The following MOV10 variants were observed in gnomAD, a reference collection of about 807,000 sequenced individuals.
MOV10 encodes the protein Mov10 RNA helicase.
Under a neutral mutation model 108.4 loss-of-function variants are expected in MOV10, and 39 were observed. The ratio of observed to expected loss-of-function variants is 0.36; its 90% CI spans 0.28 to 0.47. The LOEUF is 0.47. Among genes scored for constraint, MOV10 ranks in the 20% least tolerant of loss-of-function variants. MOV10 has a pLI of 1.00. For synonymous variants in MOV10, 490 were observed against 523.1 expected, an observed-to-expected ratio of 0.94 and a Z score of 0.86; for missense variants, 952 against 1,297.6, an observed-to-expected ratio of 0.73 and a Z score of 4.09.
Position 112,698,334 on chromosome 1 carries a change from A to C in MOV10, c.2364A>C (p.Glu788Asp). 6.2e-7 allele frequency: 1 copy of C among 1,614,196 alleles called. No homozygotes were observed. Among genetic ancestry groups the C allele is most frequent in the Non-Finnish European group, 8.5e-7 (1 of 1,180,010 alleles). ...FHGVMGKDER[E>D]GNSPSFFNPE... ...GCGTAATGGGCAAAGATGAGCGTGA[A>C]GGCAACAGCCCATCCTTCTTCAACC... is the stretch of plus-strand genomic sequence containing the variant. The change falls in exon 16 of 21, where the codon GAA becomes GAC. Residue 788 changes from glutamate (E) to aspartate (D), a missense_variant. Glu to Asp is a conservative substitution (Grantham distance 45). Transcript: ENST00000369645.
At position 112,696,755 on chromosome 1, in the gene MOV10, C is replaced by G. The variant is rs1425746621; in HGVS notation, c.2107C>G (p.Leu703Val). Residue 703 changes from leucine to valine, a missense_variant, in exon 14 of 21, where the codon CTG becomes GTG. Leu to Val is a conservative substitution (Grantham distance 32). Transcript: ENST00000369645. ...TQKHGLGYSL[L>V]ERLLTYNSLY... ...GAAGCATGGACTGGGATACTCACTG[C>G]TGGAGCGGCTGCTCACCTACAACTC... The G allele has an allele frequency of 2.5e-6, 4 of 1,604,956 alleles. No homozygotes were observed. Among genetic ancestry groups the G allele is most frequent in the Non-Finnish European group, 3.4e-6 (4 of 1,175,564 alleles).
chr1:112,694,809 T>A lies in MOV10; in HGVS notation c.1533T>A (p.Val511=), dbSNP rs766198605. ...AGCTGCAGGCCATGAGGCACATTGT[T>A]ACGGGCACCACCCGTCCAGCCCCCT... ...PEQLQAMRHI[V]TGTTRPAPYI... The change falls in exon 10 of 21, where the codon GTT becomes GTA. Residue 511 remains valine (V), a synonymous_variant. Transcript: ENST00000369645. The surrounding 1 kb of genome is among the most constrained non-coding windows in gnomAD (Gnocchi z 4.1). The A allele has an allele frequency of 4.3e-6, 7 of 1,614,036 alleles. No individual in the cohort carries two copies. The highest frequency in any genetic ancestry group is 5.9e-6 in the Non-Finnish European group (7 of 1,180,042).
chr1:112,681,795 A>G (rs1672671968), intron 2 of MOV10, among the ~76,000 whole-genome samples: 1 of 152,048 alleles, frequency 6.6e-6, no homozygotes, highest in Non-Finnish European at 1.5e-5. Context: ...ACATCAGTAC[A>G]CTTCACTCCA....
At position 112,674,864 on chromosome 1, in the gene MOV10, C is replaced by T. The variant is rs895170289; in HGVS notation, c.-49C>T. 1.3e-6 allele frequency: 2 copies of T among 1,511,880 alleles called. No homozygotes were observed. The highest frequency in any genetic ancestry group is 1.8e-6 in the Non-Finnish European group (2 of 1,133,898). 93.7% of individuals were successfully genotyped at this position (1,511,880 alleles called of 1,614,324 possible). A position where few individuals can be genotyped will look rare whatever the true frequency, so the allele number is the denominator to read the frequency against. On this transcript the variant is annotated 5_prime_UTR_variant, in exon 2 of 21. The change creates a premature stop within an existing upstream ORF in the 5' untranslated region. Transcript: ENST00000369645. ...AACTTCCAGCTGCAGCGGCGACTTT[C>T]AGTTTCATTTCCACGGACCCTCCTG...
At chr1:112,682,626 C>G (rs1188619988) in intron 2 of MOV10, among the ~76,000 whole-genome samples, 1 of 152,200 alleles carries the variant, frequency 6.6e-6, no homozygotes, top group Non-Finnish European at 1.5e-5. Context: ...CGTGCCCTTT[C>G]CTAGTCAGTC....
intron 7 of MOV10, chr1:112,693,691 TA>T (rs1327939492): frequency 2.5e-5 from 4 of 159,158 alleles, no homozygotes; most frequent in Middle Eastern, 3.1e-3. Context: ...TTTTTTTAAT[TA>T]TTTTTTTAGC....
In MOV10 at chr1:112,689,397, G is replaced by GGA; in HGVS notation, c.342-18_342-17insGA. ...ACCGCTCCCACCCCAACCCCCCCTT[G>GGA]ACTCCCCTTCTCCCCAGGGCTGAGT... On this transcript the variant is annotated splice_polypyrimidine_tract_variant and intron_variant, in intron 3 of 20. Transcript: ENST00000369645. 3.2e-6 allele frequency: 2 copies of GGA among 615,494 alleles called. No individual in the cohort carries two copies. The highest frequency in any genetic ancestry group is 2.9e-6 in the Non-Finnish European group (1 of 342,264). 38.1% of individuals were successfully genotyped at this position (615,494 alleles called of 1,614,324 possible).
intron 2 of MOV10, among the ~76,000 whole-genome samples, chr1:112,679,821 A>G (rs1222466442): frequency 6.6e-6 from 1 of 152,132 alleles, no homozygotes; most frequent in Non-Finnish European, 1.5e-5. Context: ...CTGATGTTAG[A>G]GCTTTGGGAA....
rs927977486 is a variant in MOV10, at chr1:112,675,608, T to C, written c.137+559T>C. Among the ~76,000 whole-genome samples, 1 of 152,176 alleles carries C rather than the reference T, an allele frequency of 6.6e-6. No homozygotes were observed. The highest frequency in any genetic ancestry group is 2.4e-5 in the African/African-American group (1 of 41,438). On this transcript the variant is annotated intron_variant, in intron 2 of 20. Coordinates refer to ENST00000369645, the MANE Select transcript of MOV10 (RefSeq NM_001321324.2). This position sits in a 1 kb window ranked among gnomAD's most constrained non-coding sequence, Gnocchi z 4.7. ...CTGGAAAGAAGAAAAGGGCACAAAC[T>C]ACGTGCGTACCAAACCTCCATTAGC... is the stretch of plus-strand genomic sequence containing the variant.
rs747168819 is a variant in MOV10 at position 112,692,929 on chromosome 1, G to A, written c.1140G>A (p.Glu380=). ...AGAACCCCAGGCTGCTCACGCTGGA[G>A]GTCAGGGCTCAGATTGAGTGTGAGG... ...VDQNPRLLTL[E]VPGVTESRPS... The change falls in exon 7 of 21, where the codon GAG becomes GAA. Residue 380 remains glutamate (E), a splice_region_variant and synonymous_variant. Transcript: ENST00000369645. The A allele has an allele frequency of 6.2e-7, 1 of 1,606,846 alleles. No individual in the cohort carries two copies. Among genetic ancestry groups the A allele is most frequent in the Non-Finnish European group, 8.5e-7 (1 of 1,176,968 alleles).
intron 17 of MOV10, 107 bp downstream of exon 17, chr1:112,698,896 C>A: frequency 1.1e-6 from 1 of 942,754 alleles, no homozygotes; most frequent in Non-Finnish European, 1.7e-6. Context: ...CGTCCCACCC[C>A]TGCTGCCTTG....
chr1:112,697,394 C>T (rs527477321), intron 14 of MOV10, among the ~76,000 whole-genome samples: 19 of 152,190 alleles, frequency 1.2e-4, no homozygotes, highest in African/African-American at 3.9e-4. Flanking sequence ...CGCTTGTACC[C>T]GGGAGGCAGA....
chr1:112,693,982 C>A, intron 7 of MOV10, 36 bp from the exon 8 acceptor site: 2 of 1,611,616 alleles, frequency 1.2e-6, no homozygotes, highest in South Asian at 1.1e-5. Flanking sequence ...GCGTCCATCC[C>A]TGGGACAGAA....
Position 112,694,259 on chromosome 1 carries a change from T to G in MOV10, c.1295+87T>G, listed in dbSNP as rs1673855030. 6.5e-7 allele frequency: 1 copy of G among 1,547,128 alleles called. No homozygotes were observed. The highest frequency in any genetic ancestry group is 8.9e-7 in the Non-Finnish European group (1 of 1,124,622). ...GAGGAGTGTTTCTCCCTGAGATAAA[T>G]GAGACCCCGGGGCAGAGCAGGAGAC... On this transcript the variant is annotated intron_variant, in intron 8 of 20. Coordinates refer to ENST00000369645, the MANE Select transcript of MOV10 (RefSeq NM_001321324.2). The surrounding 1 kb of genome is among the most constrained non-coding windows in gnomAD (Gnocchi z 4.1).
rs780523864 is a variant in MOV10 at position 112,694,874 on chromosome 1, C to G, written c.1598C>G (p.Thr533Arg). The change falls in exon 10 of 21, where the codon ACG becomes AGG. Residue 533 changes from threonine to arginine, a missense_variant. Physicochemically the swap from Thr to Arg is moderately conservative, Grantham distance 71. Coordinates refer to ENST00000369645, the MANE Select transcript of MOV10 (RefSeq NM_001321324.2). This position sits in a 1 kb window ranked among gnomAD's most constrained non-coding sequence, Gnocchi z 4.1. ...FGPPGTGKTV[T>R]LVEAIKQVVK... ...CCTCCAGGCACCGGCAAGACTGTCA[C>G]GTTAGTGGAGGCAATTAAGCAGGTG... is the stretch of plus-strand genomic sequence containing the variant. 1 of 1,614,124 alleles carries G rather than the reference C, an allele frequency of 6.2e-7. No individual in the cohort carries two copies. Among genetic ancestry groups the G allele is most frequent in the Admixed American group, 1.7e-5 (1 of 60,014 alleles).
At position 112,675,125 on chromosome 1, in the gene MOV10, T is replaced by G; in HGVS notation, c.137+76T>G. ...ACGACCCCCGCGCGAGGGCCACCTT[T>G]CCCGCCCCGGGGCGCAGAGGGACGC... On this transcript the variant is annotated intron_variant, in intron 2 of 20. Coordinates refer to ENST00000369645, the MANE Select transcript of MOV10 (RefSeq NM_001321324.2). This position sits in a 1 kb window ranked among gnomAD's most constrained non-coding sequence, Gnocchi z 4.7. 6.5e-7 allele frequency: 1 copy of G among 1,533,804 alleles called. No individual in the cohort carries two copies. Among genetic ancestry groups the G allele is most frequent in the Non-Finnish European group, 8.8e-7 (1 of 1,138,428 alleles).
intron 16 of MOV10, 104 bp downstream of exon 16, chr1:112,698,582 G>T (rs1347957227): frequency 6.9e-7 from 1 of 1,445,978 alleles, no homozygotes; most frequent in Non-Finnish European, 9.6e-7. Context: ...GGCCTCTGCT[G>T]GCTCCGTATC....
Position 112,700,599 on chromosome 1 carries a change from C to A in MOV10, c.*92C>A. On this transcript the variant is annotated 3_prime_UTR_variant, in exon 21 of 21. Coordinates refer to ENST00000369645, the MANE Select transcript of MOV10 (RefSeq NM_001321324.2). ...CCAGCTGAACTGCCCCTCCAAGGGA[C>A]AGGAAGGCTGGGGGAGGGAGTTTAC... The A allele has an allele frequency of 6.4e-7, 1 of 1,564,806 alleles. No homozygotes were observed. Among genetic ancestry groups the A allele is most frequent in the Non-Finnish European group, 8.7e-7 (1 of 1,155,162 alleles).
chr1:112,686,958 G>C (rs1424047338), intron 2 of MOV10: 1 of 456,294 alleles, frequency 2.2e-6, no homozygotes, highest in Non-Finnish European at 4.4e-6. Context: ...TGGTCTCCCT[G>C]CCTACAGTCT....
Sources: allele counts gnomAD v4.1 joint callset (sites outside exome capture counted in the v4.1 genomes callset), GRCh38; gene constraint gnomAD v4.1.1; non-coding constraint Gnocchi (gnomAD v3.1); transcripts MANE v1.5; gene names NCBI Gene and HGNC (gene_info 2026-07-23, HGNC 2026-07-21).